MIA2: variants seen among roughly 807,000 people sequenced by gnomAD.
The protein encoded by MIA2 is MIA SH3 domain ER export factor 2, also known as melanoma inhibitory activity protein 2.
A neutral mutation model predicts 167.8 loss-of-function variants in MIA2; 127 were observed. The ratio of observed to expected loss-of-function variants is 0.76; its 90% CI spans 0.66 to 0.88. The LOEUF (loss-of-function observed/expected upper bound fraction) is 0.88, where lower values mean the gene tolerates loss of function less well. MIA2 is among the 40% of genes least tolerant of loss of function. MIA2 has a pLI of 0.00. For synonymous variants in MIA2, 552 were observed against 541.9 expected (o/e 1.02, Z -0.26); for missense variants, 1,690 against 1,624.7 (o/e 1.04, Z -0.69).
At chr14:39,258,355 C>A (rs1298424813) in intron 6 of MIA2, among the ~76,000 whole-genome samples, 1 of 152,078 alleles carries the variant, frequency 6.6e-6, no homozygotes. Context: ...CTCTGATATC[C>A]TTTCTTCCTC....
intron 14 of MIA2, 112 bp downstream of exon 14, chr14:39,300,098 A>G (rs1360275125): frequency 3.7e-6 from 5 of 1,354,300 alleles, no homozygotes; most frequent in African/African-American, 1.5e-5. Flanking sequence ...TTTTCATAAC[A>G]TATTTGGCCA....
chr14:39,294,132 A>G, intron 12 of MIA2, 61 bp downstream of exon 12: 1 of 1,213,640 alleles, frequency 8.2e-7, no homozygotes, highest in Middle Eastern at 2.2e-4. Flanking sequence ...TTAATTTTTT[A>G]AAATTAAGAA....
At position 39,302,144 on chromosome 14, in the gene MIA2, T is replaced by A. The variant is rs1482438154; in HGVS notation, c.2635T>A (p.Leu879Met). 6.2e-7 allele frequency: 1 copy of A among 1,613,496 alleles called. No individual in the cohort carries two copies. Among genetic ancestry groups the A allele is most frequent in the East Asian group, 2.2e-5 (1 of 44,864 alleles). Residue 879 changes from leucine to methionine, a missense_variant, in exon 15 of 29, where the codon TTG (leucine) becomes ATG (methionine). Leu to Met is a conservative substitution (Grantham distance 15). Transcript: ENST00000640607. ...CAATGTCAAGACTCTGACTGAACGC[T>A]TGTTAAAGATGAAAGATTGGGCTGC... ...ESHIKTLTER[L>M]LKMKDWAAML...
chr14:39,378,901 A>C (rs2075098382), intron 23 of MIA2, among the ~76,000 whole-genome samples: 1 of 152,222 alleles, frequency 6.6e-6, no homozygotes, highest in African/African-American at 2.4e-5. Flanking sequence ...TTGATATTGC[A>C]AAATAGGATC....
chr14:39,308,701 A>AT, intron 18 of MIA2, 114 bp downstream of exon 18: 1 of 871,280 alleles, frequency 1.1e-6, no homozygotes, highest in Non-Finnish European at 1.7e-6. Flanking sequence ...ATTAGATTGT[A>AT]TTTCATCAAC....
In MIA2 at chr14:39,288,463, A is replaced by ATTT. The variant is rs1371000878; in HGVS notation, c.2131-2555_2131-2554insTTT. 1.5e-3 allele frequency among the ~76,000 whole-genome samples: 44 copies of ATTT among 29,894 alleles called. 1 individual carries two copies. The highest frequency in any genetic ancestry group is 2.0e-3 in the Non-Finnish European group (32 of 16,260). The allele number at this position is 29,894 out of a possible 152,430, so 19.6% of individuals were successfully genotyped here. On this transcript the variant is annotated intron_variant, in intron 9 of 28. Coordinates refer to ENST00000640607, the MANE Select transcript of MIA2 (RefSeq NM_001329214.4). Reference sequence around the variant, plus strand: ...TATATATATATATATATATATATATATATATATATATATTTTTTTTTTTTT... The same window carrying ATTT: ...TATATATATATATATATATATATATATTTTATATATATATATTTTTTTTTTTTT...
At chr14:39,307,891 A>G (rs574663532) in intron 17 of MIA2, among the ~76,000 whole-genome samples, 19 of 152,140 alleles carry the variant, frequency 1.2e-4, no homozygotes, top group African/African-American at 3.4e-4. Context: ...AAAAAAGTTG[A>G]TCTCATACAA....
chr14:39,291,098 T>C lies in MIA2; in HGVS notation c.2208+2T>C, dbSNP rs1367952794. On this transcript the variant is annotated splice_donor_variant, in intron 10 of 28. Transcript: ENST00000640607. LOFTEE classifies it high-confidence loss of function. ...GCAACAGAAGCACAAAGTTTGGAGG[T>C]AGAAAATCAAATGGTATAATTTTAA... 1.9e-6 allele frequency: 3 copies of C among 1,593,050 alleles called. No homozygotes were observed. Among genetic ancestry groups the C allele is most frequent in the East Asian group, 2.3e-5 (1 of 44,216 alleles).
At chr14:39,321,504 G>A (rs1428838324) in intron 24 of MIA2, among the ~76,000 whole-genome samples, 2 of 151,110 alleles carry the variant, frequency 1.3e-5, no homozygotes, top group East Asian at 2.0e-4. Context: ...TTTTAGTAGA[G>A]ACGGGGTTTC....
At position 39,240,644 on chromosome 14, in the gene MIA2, G is replaced by A. The variant is rs566174013; in HGVS notation, c.333G>A (p.Thr111=). ...VFISEEIQMS[T]KESDFLCLLG... The stretch of plus-strand genomic sequence containing the variant: ...TATCTGAGGAAATTCAGATGTCAAC[G>A]AAAGTGAGTAAACTCATTCTCAGTT... The change falls in exon 3 of 29, where the codon ACG becomes ACA. Residue 111 remains threonine (T), a synonymous_variant. Transcript: ENST00000640607. 3.4e-5 allele frequency: 55 copies of A among 1,605,160 alleles called. No individual in the cohort carries two copies. In the South Asian group the frequency reaches 6.0e-4, roughly 17 times the overall value.
chr14:39,318,331 C>T (rs1352977332), intron 22 of MIA2, among the ~76,000 whole-genome samples: 1 of 151,852 alleles, frequency 6.6e-6, no homozygotes, highest in Non-Finnish European at 1.5e-5. Flanking sequence ...ATAGTAATGC[C>T]CAGAATATCA....
Position 39,246,412 on chromosome 14 carries a change from T to C in MIA2, c.337-499T>C, listed in dbSNP as rs536798768. Among the ~76,000 whole-genome samples the C allele has an allele frequency of 3.9e-5, 6 of 152,222 alleles. No homozygotes were observed. In the South Asian group the frequency reaches 1.2e-3, roughly 32 times the overall value. On this transcript the variant is annotated intron_variant, in intron 3 of 28. Coordinates refer to ENST00000640607, the MANE Select transcript of MIA2 (RefSeq NM_001329214.4). ...ATACCTGGCCCCAAAATTCCAACTA[T>C]TTAATAACAAATAAATCATAATGGG...
chr14:39,319,185 G>C, intron 22 of MIA2, 24 bp from the exon 23 acceptor site: 1 of 1,368,432 alleles, frequency 7.3e-7, no homozygotes, highest in Non-Finnish European at 1.0e-6. Context: ...GAGTAACTTA[G>C]AGATGTTTGT....
intron 4 of MIA2, among the ~76,000 whole-genome samples, chr14:39,251,885 T>A (rs1039850114): frequency 1.3e-5 from 2 of 152,158 alleles, no homozygotes; most frequent in African/African-American, 4.8e-5. Flanking sequence ...ACACTGATAC[T>A]TTTTTTAAGA....
chr14:39,266,928 A>T (rs1472586951), intron 6 of MIA2: 5 of 644,078 alleles, frequency 7.8e-6, no homozygotes, highest in Admixed American at 6.3e-5. Context: ...CCCTTGGGAC[A>T]TAGCCCTGGT....
chr14:39,387,813 T>A (rs1180229399), exon 24 of MIA2: 1 of 152,234 alleles, frequency 6.6e-6, no homozygotes, highest in African/African-American at 2.4e-5. Context: ...CAACCACCAC[T>A]GCCATCAGTC....
chr14:39,367,272 C>T lies in MIA2; in HGVS notation c.2248+18295C>T, dbSNP rs544766488. Among the ~76,000 whole-genome samples, 13 of 152,282 alleles carry T rather than the reference C, an allele frequency of 8.5e-5. No individual in the cohort carries two copies. The South Asian group carries it at 2.3e-3, about 27-fold the overall frequency. On this transcript the variant is annotated intron_variant, in intron 23 of 23. Coordinates refer to the MIA2 transcript ENST00000341502. ...GAGTCCAACTGATACTATGCCACTG[C>T]AGTCATTCTGGTGAATGCAGGGGAA...
intron 16 of MIA2, 98 bp from the exon 17 acceptor site, chr14:39,304,193 A>T (rs1302692397): frequency 2.1e-6 from 1 of 476,290 alleles, no homozygotes; most frequent in East Asian, 3.6e-5. Context: ...AAATCACTTA[A>T]AAAGTGTTAG....
intron 17 of MIA2, among the ~76,000 whole-genome samples, chr14:39,307,455 G>A (rs538723261): frequency 3.1e-5 from 4 of 127,876 alleles, no homozygotes; most frequent in Non-Finnish European, 4.7e-5. Context: ...AGGCTGGAGT[G>A]CAGTGGCGTG....
Sources: allele counts gnomAD v4.1 joint callset (sites outside exome capture counted in the v4.1 genomes callset), GRCh38; gene constraint gnomAD v4.1.1; transcripts MANE v1.5; gene names NCBI Gene and HGNC (gene_info 2026-07-23, HGNC 2026-07-21).